Variants in SHMT1 observed in about 807,000 individuals in gnomAD.
SHMT1 encodes the protein serine hydroxymethyltransferase, cytosolic.
In SHMT1, 45 loss-of-function variants were observed where a neutral mutation model predicts 49.0. The ratio of observed to expected loss-of-function variants is 0.92; its 90% confidence interval spans 0.72 to 1.18. The LOEUF (loss-of-function observed/expected upper bound fraction) is 1.18. Among genes scored for constraint, SHMT1 ranks in the 50% most tolerant of loss-of-function variants. SHMT1 has a pLI of 0.00. For synonymous variants in SHMT1, 232 were observed against 246.6 expected, an observed-to-expected ratio of 0.94 and a Z score of 0.55; for missense variants, 541 against 612.4, an observed-to-expected ratio of 0.88 and a Z score of 1.23.
In SHMT1 at chr17:18,353,718, C is replaced by T. The variant is rs142011814; in HGVS notation, c.196G>A (p.Gly66Ser). ...FASRAVLEAL[G>S]SCLNNKYSEG... The stretch of plus-strand genomic sequence containing the variant: ...GAGTATTTGTTATTTAAGCAAGAGC[C>T]TAGGGCCTCCAAAACTGCTCGGCTG... Residue 66 changes from glycine to serine, a missense_variant, in exon 3 of 12, where the codon GGC (glycine) becomes AGC (serine). Coordinates refer to ENST00000316694, the MANE Select transcript of SHMT1 (RefSeq NM_004169.5). The T allele has an allele frequency of 2.8e-5, 45 of 1,614,100 alleles. No individual in the cohort carries two copies. Among genetic ancestry groups the T allele is most frequent in the Middle Eastern group, 3.3e-4 (2 of 6,060 alleles).
chr17:18,347,421 C>G, intron 5 of SHMT1, 75 bp downstream of exon 5: 1 of 1,550,054 alleles, frequency 6.5e-7, no homozygotes, highest in Non-Finnish European at 8.9e-7. Flanking sequence ...ATAAACCAAA[C>G]TTACCCCTGC....
chr17:18,348,629 T>G (rs1374363685), intron 3 of SHMT1, 189 bp from the exon 4 acceptor site: 8 of 708,032 alleles, frequency 1.1e-5, no homozygotes, highest in Non-Finnish European at 2.1e-5. Flanking sequence ...GAATCTACAG[T>G]CAAGAGACCA....
chr17:18,342,427 C>A (rs1984622376), intron 5 of SHMT1, among the ~76,000 whole-genome samples: 1 of 151,986 alleles, frequency 6.6e-6, no homozygotes, highest in South Asian at 2.1e-4. Context: ...AGCGATTCTC[C>A]CACTCAGCCT....
rs1984322803 is a variant in SHMT1, at chr17:18,340,093, G to A, written c.764C>T (p.Thr255Ile). Residue 255 changes from threonine to isoleucine, a missense_variant, in exon 7 of 12, where the codon ACT (threonine) becomes ATT (isoleucine). By Grantham distance (89) the Thr-to-Ile change is moderately conservative (BLOSUM62 -1). Coordinates refer to ENST00000316694, the MANE Select transcript of SHMT1 (RefSeq NM_004169.5). The surrounding 1 kb of genome is among the most constrained non-coding windows in gnomAD (Gnocchi z 4.5). ...FEHCHVVTTT[T>I]HKTLRGCRAG... ...TCGGCAGCCTCGCAGGGTCTTGTGAGTGGTGGTGGTCACCACATGGCAGTG... is the reference window on the plus strand; with the variant it reads ...TCGGCAGCCTCGCAGGGTCTTGTGAATGGTGGTGGTCACCACATGGCAGTG... 2 of 1,613,994 alleles carry A rather than the reference G, an allele frequency of 1.2e-6. No homozygotes were observed. Among genetic ancestry groups the A allele is most frequent in the East Asian group, 2.2e-5 (1 of 44,894 alleles).
chr17:18,332,697 A>G (rs891922749), intron 9 of SHMT1: 1 of 262,752 alleles, frequency 3.8e-6, no homozygotes. Context: ...ATCCAAGCAA[A>G]CATGCCTAAA....
intron 1 of SHMT1, among the ~76,000 whole-genome samples, chr17:18,359,644 T>C (rs1360167853): frequency 6.7e-6 from 1 of 149,996 alleles, no homozygotes; most frequent in African/African-American, 2.5e-5. Flanking sequence ...AGAGTGAGAC[T>C]GTGTCTCAAT....
chr17:18,339,898 A>T, intron 7 of SHMT1, 145 bp downstream of exon 7: 2 of 851,488 alleles, frequency 2.3e-6, no homozygotes, highest in Non-Finnish European at 3.8e-6. Flanking sequence ...GCTCCTTCCT[A>T]AGCAGCTCTT....
Position 18,333,268 on chromosome 17 carries a change from G to C in SHMT1, c.952C>G (p.Gln318Glu). 1 of 1,613,514 alleles carries C rather than the reference G, an allele frequency of 6.2e-7. No homozygotes were observed. Among genetic ancestry groups the C allele is most frequent in the Non-Finnish European group, 8.5e-7 (1 of 1,179,938 alleles). The change falls in exon 9 of 12, where the codon CAA becomes GAA. Residue 318 changes from glutamine to glutamate, a missense_variant. Physicochemically the swap from Gln to Glu is conservative, Grantham distance 29 (BLOSUM62 2). Coordinates refer to ENST00000316694, the MANE Select transcript of SHMT1 (RefSeq NM_004169.5). The part of the protein sequence containing the change: ...AIAGVAVALK[Q>E]AMTLEFKVYQ... ...ACTTTAAATTCCAGAGTCATAGCTTGCTTCAGTGCCACAGCAACCCCTGGA... is the reference window on the plus strand; with the variant it reads ...ACTTTAAATTCCAGAGTCATAGCTTCCTTCAGTGCCACAGCAACCCCTGGA...
chr17:18,345,899 C>T (rs1985040386), intron 5 of SHMT1, among the ~76,000 whole-genome samples: 1 of 152,056 alleles, frequency 6.6e-6, no homozygotes, highest in East Asian at 1.9e-4. Flanking sequence ...CCAGGCTGGT[C>T]TCGAACTCCT....
In SHMT1 at chr17:18,330,460, C is replaced by G. The variant is rs72561770; in HGVS notation, c.1171+95G>C. On this transcript the variant is annotated intron_variant, in intron 10 of 11. Coordinates refer to ENST00000316694, the MANE Select transcript of SHMT1 (RefSeq NM_004169.5). ...CCCCACTACAGTTTTTATGTGAGGT[C>G]TGTCCCCGGAGCCAATATATTCATC... 254 of 948,248 alleles carry G rather than the reference C, an allele frequency of 2.7e-4. No homozygotes were observed. The African/African-American group carries it at 3.8e-3, about 14-fold the overall frequency. The allele number at this position is 948,248 out of a possible 1,614,324, so 58.7% of individuals were successfully genotyped here.
intron 4 of SHMT1, 123 bp from the exon 5 acceptor site, chr17:18,347,779 G>C (rs1161118694): frequency 9.8e-6 from 10 of 1,018,836 alleles, no homozygotes; most frequent in Non-Finnish European, 1.5e-5. Flanking sequence ...CCTTCCCTGA[G>C]CTCCAGGAGG....
Position 18,330,578 on chromosome 17 carries a change from G to C in SHMT1, c.1148C>G (p.Ala383Gly). ...AEKVLEACSIACNKNTCPGDR... is the reference protein window; with the variant it reads ...AEKVLEACSIGCNKNTCPGDR... ...ACCTGGACAGGTGTTCTTGTTGCAG[G>C]CAATAGAACAGGCTTCTAGCACCTT... Residue 383 changes from alanine to glycine, a missense_variant, in exon 10 of 12, where the codon GCC (alanine) becomes GGC (glycine). Physicochemically the swap from Ala to Gly is moderately conservative, Grantham distance 60. Transcript: ENST00000316694. 1 of 1,611,472 alleles carries C rather than the reference G, an allele frequency of 6.2e-7. No individual in the cohort carries two copies. The highest frequency in any genetic ancestry group is 8.5e-7 in the Non-Finnish European group (1 of 1,177,530).
rs376202771 is a variant in SHMT1, at chr17:18,329,181, A to C, written c.1282+97T>G. 21 of 966,690 alleles carry C rather than the reference A, an allele frequency of 2.2e-5. 1 individual carries two copies. Among genetic ancestry groups the C allele is most frequent in the East Asian group, 1.3e-4 (5 of 39,600 alleles). 59.9% of individuals were successfully genotyped at this position (966,690 alleles called of 1,614,324 possible). On this transcript the variant is annotated intron_variant, in intron 11 of 11. Coordinates refer to ENST00000316694, the MANE Select transcript of SHMT1 (RefSeq NM_004169.5). ...CCACCCCAACACTCAGCCTTGGTGCAGAATTGTCTTTCAGTGGCAGGGTCT... is the reference window on the plus strand; with the variant it reads ...CCACCCCAACACTCAGCCTTGGTGCCGAATTGTCTTTCAGTGGCAGGGTCT...
intron 1 of SHMT1, among the ~76,000 whole-genome samples, chr17:18,360,807 G>A (rs1986688512): frequency 6.6e-6 from 1 of 152,018 alleles, no homozygotes; most frequent in Admixed American, 6.6e-5. Flanking sequence ...CTGAAGTCTG[G>A]GGAGTCACAG....
intron 2 of SHMT1, among the ~76,000 whole-genome samples, chr17:18,354,276 G>A (rs530383925): frequency 5.3e-5 from 8 of 152,270 alleles, no homozygotes; most frequent in African/African-American, 9.6e-5. Context: ...AAAATTAGCC[G>A]GGCATGGTGG....
chr17:18,335,842 T>C (rs1485880574), intron 7 of SHMT1, among the ~76,000 whole-genome samples, 167 bp from the exon 8 acceptor site: 1 of 152,212 alleles, frequency 6.6e-6, no homozygotes, highest in Non-Finnish European at 1.5e-5. Context: ...CCTTGCCTCC[T>C]GAGGGCAGAC....
At chr17:18,349,056 T>C (rs1244792892) in intron 3 of SHMT1, among the ~76,000 whole-genome samples, 3 of 151,634 alleles carry the variant, frequency 2.0e-5, no homozygotes, top group East Asian at 1.9e-4. Context: ...GAGAACATTA[T>C]GCTAAGTGAA....
chr17:18,347,870 A>G (rs1238032204), intron 4 of SHMT1, among the ~76,000 whole-genome samples: 1 of 150,604 alleles, frequency 6.6e-6, no homozygotes, highest in Non-Finnish European at 1.5e-5. Flanking sequence ...TGGGAGCCCA[A>G]GGGTAATGCA....
At chr17:18,347,736 C>A in intron 4 of SHMT1, 80 bp from the exon 5 acceptor site, 1 of 1,535,944 alleles carries the variant, frequency 6.5e-7, no homozygotes, top group African/African-American at 1.4e-5. Context: ...GCCACTAAGC[C>A]TTCACCCAGG....
Sources: allele counts gnomAD v4.1 joint callset (sites outside exome capture counted in the v4.1 genomes callset), GRCh38; gene constraint gnomAD v4.1.1; non-coding constraint Gnocchi (gnomAD v3.1); transcripts MANE v1.5; gene names NCBI Gene and HGNC (gene_info 2026-07-23, HGNC 2026-07-21).